The following TMCC1 variants were observed in gnomAD, a reference collection of about 807,000 sequenced individuals.
TMCC1 encodes transmembrane and coiled-coil domains protein 1.
In TMCC1, 15 loss-of-function variants were observed where a neutral mutation model predicts 52.4. That is an observed-to-expected ratio of 0.29 (90% CI 0.19 to 0.44). The LOEUF is 0.44. Ranked by LOEUF, TMCC1 falls within the 20% of genes least tolerant of loss-of-function variation. The pLI is 1.00. For synonymous variants in TMCC1, 279 were observed against 301.9 expected (o/e 0.92, Z 0.79); for missense variants, 503 against 806.0 (o/e 0.62, Z 4.55).
intron 2 of TMCC1, among the ~76,000 whole-genome samples, chr3:129,843,356 AG>A (rs1171471147): frequency 6.6e-6 from 1 of 152,144 alleles, no homozygotes; most frequent in African/African-American, 2.4e-5. Flanking sequence ...CAAAAAAAAA[AG>A]AAGGAAAAAA....
chr3:129,835,714 A>G (rs1490949296), intron 2 of TMCC1, among the ~76,000 whole-genome samples: 1 of 152,224 alleles, frequency 6.6e-6, no homozygotes. Context: ...TAAAGGAGTG[A>G]GTACATACTG....
At chr3:129,874,821 C>G (rs1350411680) in intron 2 of TMCC1, among the ~76,000 whole-genome samples, 3 of 152,022 alleles carry the variant, frequency 2.0e-5, no homozygotes, top group African/African-American at 7.2e-5. Context: ...TGCACCACTG[C>G]ACTCCAGCTG....
chr3:129,793,424 C>A (rs1424364828), intron 4 of TMCC1, among the ~76,000 whole-genome samples: 1 of 152,162 alleles, frequency 6.6e-6, no homozygotes, highest in Non-Finnish European at 1.5e-5. Context: ...TGATTAACAG[C>A]CAAGGCAGTG....
intron 2 of TMCC1, among the ~76,000 whole-genome samples, chr3:129,837,596 T>C (rs1454870351): frequency 6.6e-6 from 1 of 152,186 alleles, no homozygotes; most frequent in African/African-American, 2.4e-5. Flanking sequence ...TCCTGTCATA[T>C]ACAGCACATT....
At chr3:129,774,802 G>C (rs2054893548) in intron 4 of TMCC1, among the ~76,000 whole-genome samples, 1 of 152,204 alleles carries the variant, frequency 6.6e-6, no homozygotes, top group Admixed American at 6.5e-5. Context: ...GTTTTGTGTG[G>C]CTGTGGGGAG....
intron 6 of TMCC1, among the ~76,000 whole-genome samples, chr3:129,652,271 G>T (rs1012509022): frequency 6.6e-6 from 1 of 152,094 alleles, no homozygotes; most frequent in South Asian, 2.1e-4. Flanking sequence ...GAAAATATAC[G>T]GAATTATTAT....
At chr3:129,795,002 G>A (rs897555126) in intron 4 of TMCC1, among the ~76,000 whole-genome samples, 1 of 152,168 alleles carries the variant, frequency 6.6e-6, no homozygotes, top group Non-Finnish European at 1.5e-5. Context: ...AGCTGGGCTC[G>A]GCAGCTGTGC....
At chr3:129,842,648 T>G (rs1396810566) in intron 2 of TMCC1, among the ~76,000 whole-genome samples, 1 of 152,160 alleles carries the variant, frequency 6.6e-6, no homozygotes. Context: ...ATATACCATA[T>G]TCTGTGCCAT....
At chr3:129,822,215 G>C (rs566054319) in intron 4 of TMCC1, among the ~76,000 whole-genome samples, 1 of 152,242 alleles carries the variant, frequency 6.6e-6, no homozygotes, top group East Asian at 1.9e-4. Flanking sequence ...TAACTTTAGG[G>C]AATCATTTCA....
intron 4 of TMCC1, among the ~76,000 whole-genome samples, chr3:129,721,762 G>A (rs1374461354): frequency 6.6e-6 from 1 of 150,804 alleles, no homozygotes; most frequent in Non-Finnish European, 1.5e-5. Context: ...TGTAGTCCCA[G>A]CTACTCGTGA....
intron 4 of TMCC1, among the ~76,000 whole-genome samples, chr3:129,760,827 G>T (rs978425332): frequency 1.3e-5 from 2 of 151,250 alleles, no homozygotes; most frequent in Non-Finnish European, 2.9e-5. Flanking sequence ...GCCCAGGCTG[G>T]TCTTGAACTC....
chr3:129,853,124 T>C (rs2059989275), intron 2 of TMCC1, among the ~76,000 whole-genome samples: 4 of 152,146 alleles, frequency 2.6e-5, no homozygotes, highest in Admixed American at 2.6e-4. Flanking sequence ...TGGGGTATAG[T>C]GAGCTATGAT....
chr3:129,785,560 T>C (rs1325077418), intron 4 of TMCC1, among the ~76,000 whole-genome samples: 9 of 146,066 alleles, frequency 6.2e-5, no homozygotes, highest in East Asian at 2.0e-4. Context: ...TCAATATACA[T>C]ACACACACAC....
intron 2 of TMCC1, among the ~76,000 whole-genome samples, chr3:129,862,556 C>A (rs1410025870): frequency 2.0e-5 from 3 of 152,068 alleles, no homozygotes; most frequent in Non-Finnish European, 4.4e-5. Context: ...TCAAATAGCA[C>A]CACAGAACTT....
At chr3:129,854,400 A>AC (rs2060056629) in intron 2 of TMCC1, among the ~76,000 whole-genome samples, 4 of 150,468 alleles carry the variant, frequency 2.7e-5, no homozygotes, top group Admixed American at 1.3e-4. Context: ...AAAAAAAAGA[A>AC]AAAAAAAAAG....
chr3:129,787,859 C>T (rs924976412), intron 4 of TMCC1, among the ~76,000 whole-genome samples: 2 of 152,096 alleles, frequency 1.3e-5, no homozygotes, highest in African/African-American at 4.8e-5. Context: ...TTTTCAGCTA[C>T]TAAACTTTAA....
At chr3:129,716,419 C>T (rs2049108916) in intron 4 of TMCC1, among the ~76,000 whole-genome samples, 2 of 146,214 alleles carry the variant, frequency 1.4e-5, no homozygotes, top group African/African-American at 5.0e-5. Flanking sequence ...ACTGCAAGCT[C>T]TGTCTCCCAG....
intron 5 of TMCC1, among the ~76,000 whole-genome samples, chr3:129,664,530 T>A (rs375516865): frequency 1.0e-3 from 158 of 152,306 alleles, no homozygotes; most frequent in African/African-American, 3.4e-3. Context: ...TAATACAAAC[T>A]TTCTCAGAAG....
intron 4 of TMCC1, among the ~76,000 whole-genome samples, chr3:129,815,366 A>C (rs1387095319): frequency 6.6e-6 from 1 of 152,158 alleles, no homozygotes; most frequent in Non-Finnish European, 1.5e-5. Context: ...CTATAAAGCA[A>C]TAGTAAACAT....
Sources: allele counts gnomAD v4.1 joint callset (sites outside exome capture counted in the v4.1 genomes callset), GRCh38; gene constraint gnomAD v4.1.1; transcripts MANE v1.5; gene names NCBI Gene and HGNC (gene_info 2026-07-23, HGNC 2026-07-21).